The following AP1G1 variants were observed in gnomAD, a reference collection of about 807,000 sequenced individuals.
AP1G1 encodes AP-1 complex subunit gamma-1.
Under a neutral mutation model 108.3 loss-of-function variants are expected in AP1G1, and 7 were observed. That is an observed-to-expected ratio of 0.06 (90% CI 0.04 to 0.12). The LOEUF (loss-of-function observed/expected upper bound fraction) is 0.12. Among genes scored for constraint, AP1G1 ranks in the 10% least tolerant of loss-of-function variants. The pLI is 1.00. For missense variants in AP1G1, 756 were observed against 1,010.7 expected, an observed-to-expected ratio of 0.75 and a Z score of 3.42; for synonymous variants, 379 against 353.5, an observed-to-expected ratio of 1.07 and a Z score of -0.81.
chr16:71,737,716 C>T (rs1289373634), intron 21 of AP1G1, among the ~76,000 whole-genome samples: 1 of 152,242 alleles, frequency 6.6e-6, no homozygotes, highest in African/African-American at 2.4e-5. Context: ...ACAAAGAAAA[C>T]ATCCTCAATT....
At chr16:71,753,718 TTAA>T in intron 13 of AP1G1, 112 bp downstream of exon 13, 6 of 884,514 alleles carry the variant, frequency 6.8e-6, no homozygotes, top group Non-Finnish European at 1.1e-5. Flanking sequence ...CTAACTGACA[TTAA>T]TGTTACCTAT....
intron 20 of AP1G1, 44 bp from the exon 21 acceptor site, chr16:71,739,146 T>C (rs1351919039): frequency 1.9e-6 from 3 of 1,612,106 alleles, no homozygotes; most frequent in Non-Finnish European, 2.5e-6. Flanking sequence ...GTCAGCCTAA[T>C]GCTTGCAGAA....
At chr16:71,803,923 CAAA>C (rs534074123) in intron 1 of AP1G1, among the ~76,000 whole-genome samples, 3 of 73,642 alleles carry the variant, frequency 4.1e-5, no homozygotes, top group Non-Finnish European at 5.9e-5. Flanking sequence ...GACTCCGTCT[CAAA>C]AAAAAAAAAA....
intron 16 of AP1G1, chr16:71,747,426 A>C (rs2030240008): frequency 6.6e-6 from 1 of 152,166 alleles, no homozygotes; most frequent in African/African-American, 2.4e-5. Flanking sequence ...CAAAAAATAC[A>C]AAAATTAGCC....
At chr16:71,778,132 C>T (rs972133824) in intron 2 of AP1G1, among the ~76,000 whole-genome samples, 1 of 152,078 alleles carries the variant, frequency 6.6e-6, no homozygotes, top group African/African-American at 2.4e-5. Flanking sequence ...AAAAACCTTA[C>T]CTAAAAACTA....
chr16:71,772,362 C>A (rs1009447371), intron 4 of AP1G1, among the ~76,000 whole-genome samples: 2 of 152,182 alleles, frequency 1.3e-5, no homozygotes, highest in Admixed American at 1.3e-4. Context: ...ATCTCCTGAC[C>A]TTGTGATCCA....
In AP1G1 at chr16:71,738,930, ACATTGT is replaced by A; in HGVS notation, c.2268+6_2268+11del. The stretch of plus-strand genomic sequence containing the variant: ...TAATCAAAGGAAACATCTAAAGAAG[ACATTGT>A]AGTACCTTTGGTACTGCAGCTTGGA... On this transcript the variant is annotated splice_donor_region_variant and intron_variant, in intron 21 of 22. Coordinates refer to ENST00000299980, the MANE Select transcript of AP1G1 (RefSeq NM_001128.6). 6.2e-7 allele frequency: 1 copy of A among 1,604,904 alleles called. No individual in the cohort carries two copies. Among genetic ancestry groups the A allele is most frequent in the Non-Finnish European group, 8.5e-7 (1 of 1,176,618 alleles).
chr16:71,759,436 G>T (rs1476619324), intron 10 of AP1G1, among the ~76,000 whole-genome samples: 1 of 148,792 alleles, frequency 6.7e-6, no homozygotes, highest in African/African-American at 2.5e-5. Context: ...ACTCCAGCCT[G>T]GGTGACAGAG....
Position 71,785,348 on chromosome 16 carries a change from G to A in AP1G1, c.201+3931C>T, listed in dbSNP as rs142283002. Among the ~76,000 whole-genome samples the A allele has an allele frequency of 6.7e-4, 102 of 152,084 alleles. No homozygotes were observed. In the South Asian group the frequency reaches 7.3e-3, roughly 11 times the overall value. ...TTCCAGCACTTTGGGAGGCCAAGAC[G>A]GTGGATCATTTGAGGTCAGGAGTTC... is the stretch of plus-strand genomic sequence containing the variant. On this transcript the variant is annotated intron_variant, in intron 2 of 22. Coordinates refer to ENST00000299980, the MANE Select transcript of AP1G1 (RefSeq NM_001128.6).
intron 4 of AP1G1, chr16:71,772,976 T>G: frequency 1.7e-6 from 1 of 576,166 alleles, no homozygotes; most frequent in Non-Finnish European, 3.2e-6. Flanking sequence ...GTAATACTGT[T>G]TAGAATCAGA....
At chr16:71,764,875 G>A (rs2031248729) in intron 7 of AP1G1, 149 bp from the exon 8 acceptor site, 4 of 597,816 alleles carry the variant, frequency 6.7e-6, no homozygotes, top group African/African-American at 1.9e-5. Flanking sequence ...TCAAACAGAA[G>A]AATTGAAAAC....
intron 1 of AP1G1, chr16:71,808,436 C>G: frequency 8.5e-7 from 1 of 1,182,540 alleles, no homozygotes; most frequent in Non-Finnish European, 1.1e-6. Context: ...CCCGCTAAAC[C>G]CCAGGCTCCC....
At chr16:71,774,646 A>G in intron 2 of AP1G1, 54 bp from the exon 3 acceptor site, 1 of 1,528,280 alleles carries the variant, frequency 6.5e-7, no homozygotes, top group South Asian at 1.3e-5. Flanking sequence ...ACCACAATCT[A>G]GAAAAGCAGT....
At chr16:71,791,260 T>A (rs994387010) in intron 1 of AP1G1, among the ~76,000 whole-genome samples, 3 of 148,156 alleles carry the variant, frequency 2.0e-5, no homozygotes, top group Non-Finnish European at 4.5e-5. Context: ...AAACAAAAAA[T>A]CCTCACAGAA....
intron 2 of AP1G1, among the ~76,000 whole-genome samples, chr16:71,788,995 T>C (rs2032306401): frequency 6.6e-6 from 1 of 152,198 alleles, no homozygotes; most frequent in South Asian, 2.1e-4. Context: ...GTCCAGGTAC[T>C]CTGGCAGAAC....
chr16:71,764,607 C>G (rs571369441), intron 8 of AP1G1, 39 bp downstream of exon 8: 73 of 1,469,976 alleles, frequency 5.0e-5, no homozygotes, highest in Non-Finnish European at 6.6e-5. Flanking sequence ...CCCAGCGAAA[C>G]TAAAATAAAT....
In AP1G1 at chr16:71,729,302, G is replaced by C. The variant is rs1024803849; in HGVS notation, c.*3756C>G. The C allele has an allele frequency of 6.6e-6, 1 of 152,158 alleles. No homozygotes were observed. The highest frequency in any genetic ancestry group is 1.5e-5 in the Non-Finnish European group (1 of 67,960). The allele number at this position is 152,158 out of a possible 1,614,324, so 9.4% of individuals were successfully genotyped here. The stretch of plus-strand genomic sequence containing the variant: ...AAATGTAACTTACAACACTAAGAAA[G>C]AAAAGGGCCTTTATAGGAACACAGT... On this transcript the variant is annotated 3_prime_UTR_variant, in exon 23 of 23. Coordinates refer to ENST00000299980, the MANE Select transcript of AP1G1 (RefSeq NM_001128.6).
chr16:71,761,666 ACTGCTAGC>A, intron 9 of AP1G1, 99 bp from the exon 10 acceptor site: 1 of 882,474 alleles, frequency 1.1e-6, no homozygotes, highest in African/African-American at 1.7e-5. Flanking sequence ...TGCTTCACAG[ACTGCTAGC>A]AAAAAAAAAA....
At chr16:71,794,835 C>CTTTTTTTTT (rs55761928) in intron 1 of AP1G1, among the ~76,000 whole-genome samples, 1,007 of 39,654 alleles carry the variant, frequency 0.025, 138 homozygotes, top group Non-Finnish European at 0.03. Flanking sequence ...ATGAGAAGTG[C>CTTTTTTTTT]TTTTTTTTTT....
Sources: allele counts gnomAD v4.1 joint callset (sites outside exome capture counted in the v4.1 genomes callset), GRCh38; gene constraint gnomAD v4.1.1; transcripts MANE v1.5; gene names NCBI Gene and HGNC (gene_info 2026-07-23, HGNC 2026-07-21).